CACNA1G: variants seen among roughly 807,000 people sequenced by gnomAD.
The protein encoded by CACNA1G is voltage-dependent T-type calcium channel subunit alpha-1G.
In CACNA1G, 67 loss-of-function variants were observed where a neutral mutation model predicts 219.4. That is an observed-to-expected ratio of 0.31 (90% CI 0.25 to 0.37). The LOEUF (loss-of-function observed/expected upper bound fraction) is 0.37. Among genes scored for constraint, CACNA1G ranks in the 10% least tolerant of loss-of-function variants. CACNA1G has a pLI of 1.00. For synonymous variants in CACNA1G, 1,296 were observed against 1,345.3 expected, an observed-to-expected ratio of 0.96 and a Z score of 0.80; for missense variants, 2,380 against 3,231.4, an observed-to-expected ratio of 0.74 and a Z score of 6.39.
chr17:50,575,784 G>T lies in CACNA1G; in HGVS notation c.1382G>T (p.Arg461Leu). 1 of 1,554,258 alleles carries T rather than the reference G, an allele frequency of 6.4e-7. No individual in the cohort carries two copies. The highest frequency in any genetic ancestry group is 8.7e-7 in the Non-Finnish European group (1 of 1,149,088). ...LAQVSRAAGV[R>L]VGLLSSPAPL... is the part of the protein sequence containing the mutation. Reference sequence around the variant, plus strand: ...CAGGTCTCTCGGGCAGCAGGTGTGCGGGTTGGGCTGCTCAGCAGCCCAGCA... The same window carrying T: ...CAGGTCTCTCGGGCAGCAGGTGTGCTGGTTGGGCTGCTCAGCAGCCCAGCA... The change falls in exon 8 of 38, where the codon CGG becomes CTG. Residue 461 changes from arginine to leucine, a missense_variant. By Grantham distance (102) the Arg-to-Leu change is moderately radical. Coordinates refer to ENST00000359106, the MANE Select transcript of CACNA1G (RefSeq NM_018896.5).
Position 50,617,820 on chromosome 17 carries a change from C to T in CACNA1G, c.5156-39C>T. 23 of 1,606,430 alleles carry T rather than the reference C, an allele frequency of 1.4e-5. No homozygotes were observed. Among genetic ancestry groups the T allele is most frequent in the Non-Finnish European group, 1.9e-5 (22 of 1,175,512 alleles). ...ACTCTGCCAGCTGTCTGGCCGGGGACCCAAAGAGGCCAGCTCATGACGTTG... is the reference window on the plus strand; with the variant it reads ...ACTCTGCCAGCTGTCTGGCCGGGGATCCAAAGAGGCCAGCTCATGACGTTG... On this transcript the variant is annotated intron_variant, in intron 29 of 37. Coordinates refer to ENST00000359106, the MANE Select transcript of CACNA1G (RefSeq NM_018896.5). This position sits in a 1 kb window ranked among gnomAD's most constrained non-coding sequence, Gnocchi z 5.8.
chr17:50,569,187 C>T lies in CACNA1G; in HGVS notation c.377C>T (p.Ala126Val). The T allele has an allele frequency of 1.2e-6, 2 of 1,613,846 alleles. No homozygotes were observed. The highest frequency in any genetic ancestry group is 1.7e-6 in the Non-Finnish European group (2 of 1,179,830). The stretch of plus-strand genomic sequence containing the variant: ...CAGGCCTTTGATGACTTCATCTTTG[C>T]CTTCTTTGCCGTGGAGATGGTGGTG... ...ILQAFDDFIF[A>V]FFAVEMVVKM... Residue 126 changes from alanine to valine, a missense_variant, in exon 3 of 38, where the codon GCC becomes GTC. Ala to Val is a moderately conservative substitution (Grantham distance 64, BLOSUM62 0). This residue lies in a region of CACNA1G where 64 missense variants were observed against 103.7 expected (regional missense o/e 0.62). Transcript: ENST00000359106.
At chr17:50,582,724 A>G (rs2042215666) in intron 9 of CACNA1G, among the ~76,000 whole-genome samples, 2 of 151,666 alleles carry the variant, frequency 1.3e-5, no homozygotes, top group Admixed American at 6.6e-5. Flanking sequence ...GGGGTGGGGG[A>G]CAGGTGCTAG....
At chr17:50,599,896 G>T in intron 17 of CACNA1G, 37 bp downstream of exon 17, 1 of 1,577,744 alleles carries the variant, frequency 6.3e-7, no homozygotes, top group South Asian at 1.1e-5. Flanking sequence ...CCTCACCCCT[G>T]ACCTTGAAAG....
At chr17:50,615,310 G>C in intron 26 of CACNA1G, 51 bp from the exon 27 acceptor site, 2 of 1,474,296 alleles carry the variant, frequency 1.4e-6, no homozygotes, top group Non-Finnish European at 1.8e-6. Flanking sequence ...GTGGAGGGGT[G>C]CGGGGGGCAG....
At chr17:50,566,263 C>T (rs1285606638) in intron 1 of CACNA1G, among the ~76,000 whole-genome samples, 1 of 152,146 alleles carries the variant, frequency 6.6e-6, no homozygotes, top group Non-Finnish European at 1.5e-5. Flanking sequence ...GACATACTGC[C>T]ATGTTCCCAA....
In CACNA1G at chr17:50,621,724, C is replaced by A. The variant is rs772117612; in HGVS notation, c.5990C>A (p.Ser1997Tyr). 4 of 1,613,972 alleles carry A rather than the reference C, an allele frequency of 2.5e-6. No individual in the cohort carries two copies. In the South Asian group the frequency reaches 3.3e-5, roughly 13 times the overall value. ...GAGATTGTGTCTGAACCGTCCTGCT[C>A]TCTAGCTCTGACGGATGACTCTTTG... ...TSEIVSEPSC[S>Y]LALTDDSLPD... Residue 1997 changes from serine to tyrosine, a missense_variant, in exon 35 of 38, where the codon TCT becomes TAT. By Grantham distance (144) the Ser-to-Tyr change is moderately radical. Around this residue, in one of 17 missense-constraint regions of CACNA1G, gnomAD observed 672 missense variants for 670.5 expected, o/e 1.00. Coordinates refer to ENST00000359106, the MANE Select transcript of CACNA1G (RefSeq NM_018896.5). The surrounding 1 kb of genome is among the most constrained non-coding windows in gnomAD (Gnocchi z 4.6).
Position 50,573,122 on chromosome 17 carries a change from C to T in CACNA1G, c.1140+9C>T. The T allele has an allele frequency of 6.4e-7, 1 of 1,553,820 alleles. No homozygotes were observed. Among genetic ancestry groups the T allele is most frequent in the Non-Finnish European group, 8.7e-7 (1 of 1,144,696 alleles). On this transcript the variant is annotated intron_variant, in intron 7 of 37. Coordinates refer to ENST00000359106, the MANE Select transcript of CACNA1G (RefSeq NM_018896.5). ...TCATCCTCCTCATCATCGTGAGTGA[C>T]TCCTCAGATCCCCGTGGGGATGGGC...
At chr17:50,608,977 GTGTC>G (rs2048575548) in intron 25 of CACNA1G, among the ~76,000 whole-genome samples, 1 of 152,178 alleles carries the variant, frequency 6.6e-6, no homozygotes, top group Non-Finnish European at 1.5e-5. Context: ...AAGCCTTTGT[GTGTC>G]TGTCTGTGTG....
Position 50,618,423 on chromosome 17 carries a change from C to T in CACNA1G, c.5427+80C>T, listed in dbSNP as rs2051027586. Reference sequence around the variant, plus strand: ...AGGATTCCTTGGGAAGATGAATTGGCCACAAATAAAAGCATGTGACCTTCT... The same window carrying T: ...AGGATTCCTTGGGAAGATGAATTGGTCACAAATAAAAGCATGTGACCTTCT... On this transcript the variant is annotated intron_variant, in intron 32 of 37. Coordinates refer to ENST00000359106, the MANE Select transcript of CACNA1G (RefSeq NM_018896.5). The surrounding 1 kb of genome is among the most constrained non-coding windows in gnomAD (Gnocchi z 5.3). The T allele has an allele frequency of 6.4e-7, 1 of 1,557,852 alleles. No individual in the cohort carries two copies. The highest frequency in any genetic ancestry group is 1.1e-5 in the South Asian group (1 of 87,716).
At chr17:50,580,100 G>T (rs1440801490) in intron 9 of CACNA1G, among the ~76,000 whole-genome samples, 2 of 152,140 alleles carry the variant, frequency 1.3e-5, no homozygotes, top group African/African-American at 4.8e-5. Context: ...AAGCAGCCAT[G>T]AGGTGGAGAG....
At chr17:50,602,771 A>G in intron 19 of CACNA1G, 49 bp from the exon 20 acceptor site, 1 of 1,582,108 alleles carries the variant, frequency 6.3e-7, no homozygotes, top group Non-Finnish European at 8.7e-7. Context: ...GACCTGGCCC[A>G]AGGGTGGGGG....
chr17:50,594,436 T>C (rs1598403652), intron 13 of CACNA1G, among the ~76,000 whole-genome samples: 1 of 152,206 alleles, frequency 6.6e-6, no homozygotes, highest in South Asian at 2.1e-4. Context: ...GTGTTGACTC[T>C]GACTTTCGTC....
At chr17:50,584,454 A>G (rs1211452429) in intron 9 of CACNA1G, among the ~76,000 whole-genome samples, 1 of 152,068 alleles carries the variant, frequency 6.6e-6, no homozygotes, top group Non-Finnish European at 1.5e-5. Flanking sequence ...GTCCCTGGAC[A>G]GAGCTGGAGC....
In CACNA1G at chr17:50,576,020, C is replaced by A; in HGVS notation, c.1618C>A (p.Pro540Thr). 6.4e-7 allele frequency: 1 copy of A among 1,563,340 alleles called. No individual in the cohort carries two copies. Among genetic ancestry groups the A allele is most frequent in the Non-Finnish European group, 8.7e-7 (1 of 1,154,592 alleles). The change falls in exon 8 of 38, where the codon CCT becomes ACT. Residue 540 changes from proline to threonine, a missense_variant. This residue lies in a region of CACNA1G where 434 missense variants were observed against 417.3 expected (regional missense o/e 1.04). Transcript: ENST00000359106. The part of the protein sequence containing the change: ...RRLMLPPPST[P>T]ALSGAPPGGA... ...GCTCATGCTGCCACCACCCTCGACGCCTGCCCTCTCCGGGGCCCCCCCTGG... is the reference window on the plus strand; with the variant it reads ...GCTCATGCTGCCACCACCCTCGACGACTGCCCTCTCCGGGGCCCCCCCTGG...
In CACNA1G at chr17:50,624,382, C is replaced by T; in HGVS notation, c.6252C>T (p.Ser2084=). Residue 2084 remains serine (S), a synonymous_variant, in exon 37 of 38, where the codon TCC becomes TCT. Coordinates refer to ENST00000359106, the MANE Select transcript of CACNA1G (RefSeq NM_018896.5). Reference sequence around the variant, plus strand: ...CAGGCTCCGTCTTGTCCGTTCACTCCCAGCCAGCAGATACCAGCTACATCC... The same window carrying T: ...CAGGCTCCGTCTTGTCCGTTCACTCTCAGCCAGCAGATACCAGCTACATCC... ...AQSGSVLSVH[S]QPADTSYILQ... The T allele has an allele frequency of 1.3e-6, 2 of 1,592,988 alleles. No individual in the cohort carries two copies. The highest frequency in any genetic ancestry group is 1.7e-6 in the Non-Finnish European group (2 of 1,170,310).
chr17:50,594,689 T>C (rs2045131844), intron 13 of CACNA1G, among the ~76,000 whole-genome samples: 1 of 152,224 alleles, frequency 6.6e-6, no homozygotes, highest in Non-Finnish European at 1.5e-5. Flanking sequence ...CAGTTTCCCA[T>C]GCCAGGCACA....
At chr17:50,586,584 T>G (rs2043042071) in intron 9 of CACNA1G, among the ~76,000 whole-genome samples, 1 of 152,204 alleles carries the variant, frequency 6.6e-6, no homozygotes, top group Non-Finnish European at 1.5e-5. Context: ...TCTGTGAGCT[T>G]GGCCCTGGGG....
chr17:50,565,382 T>TGAGGG (rs1555632629), intron 1 of CACNA1G, among the ~76,000 whole-genome samples: 6 of 113,426 alleles, frequency 5.3e-5, no homozygotes, highest in East Asian at 3.1e-4. Flanking sequence ...GCTTGTGGGG[T>TGAGGG]GGGGCGGGGG....
Sources: allele counts gnomAD v4.1 joint callset (sites outside exome capture counted in the v4.1 genomes callset), GRCh38; gene constraint gnomAD v4.1.1; regional missense constraint gnomAD v4.1.1; non-coding constraint Gnocchi (gnomAD v3.1); transcripts MANE v1.5; gene names NCBI Gene and HGNC (gene_info 2026-07-23, HGNC 2026-07-21).